The following UBE2R2 variants were observed in gnomAD, a reference collection of about 807,000 sequenced individuals.
The protein encoded by UBE2R2 is ubiquitin conjugating enzyme E2 R2, also known as ubiquitin-conjugating enzyme E2 R2.
In UBE2R2, 1 loss-of-function variant was observed where a neutral mutation model predicts 27.8. The ratio of observed to expected loss-of-function variants is 0.04; its 90% CI spans 0.01 to 0.17. The LOEUF (loss-of-function observed/expected upper bound fraction) is 0.17. Ranked by LOEUF, UBE2R2 falls within the 10% of genes least tolerant of loss-of-function variation. The probability of loss-of-function intolerance (pLI) is 1.00; values close to 1 mark genes in which losing one functional copy is unlikely to be tolerated. For synonymous variants in UBE2R2, 106 were observed against 113.3 expected (o/e 0.94, Z 0.41); for missense variants, 100 against 291.0 (o/e 0.34, Z 4.78).
chr9:33,907,421 C>T lies in UBE2R2; in HGVS notation c.363-4543C>T, dbSNP rs183108902. On this transcript the variant is annotated intron_variant, in intron 3 of 4. Transcript: ENST00000263228. ...TTTATTTCTGGGAGTATCTCTAACTCCTTGAATGGTGGCAGTGGGAATTGT... is the reference window on the plus strand; with the variant it reads ...TTTATTTCTGGGAGTATCTCTAACTTCTTGAATGGTGGCAGTGGGAATTGT... Among the ~76,000 whole-genome samples the T allele has an allele frequency of 6.6e-5, 10 of 152,274 alleles. No homozygotes were observed. The East Asian group carries it at 1.7e-3, about 26-fold the overall frequency.
chr9:33,874,553 A>G (rs191263715), intron 1 of UBE2R2, among the ~76,000 whole-genome samples: 1 of 151,888 alleles, frequency 6.6e-6, no homozygotes, highest in East Asian at 1.9e-4. Flanking sequence ...ATATGCACAC[A>G]TTGTTTTTAT....
At chr9:33,908,222 G>C (rs1318287518) in intron 3 of UBE2R2, among the ~76,000 whole-genome samples, 1 of 152,214 alleles carries the variant, frequency 6.6e-6, no homozygotes, top group Non-Finnish European at 1.5e-5. Context: ...ATCTGCCTGA[G>C]GAGACCAATG....
At chr9:33,828,160 G>T (rs1351723522) in intron 1 of UBE2R2, among the ~76,000 whole-genome samples, 2 of 151,300 alleles carry the variant, frequency 1.3e-5, no homozygotes. Context: ...AAATTAGCTG[G>T]TTGTGGTAGC....
intron 2 of UBE2R2, among the ~76,000 whole-genome samples, chr9:33,898,046 G>C (rs1462804790): frequency 6.6e-6 from 1 of 151,240 alleles, no homozygotes; most frequent in Non-Finnish European, 1.5e-5. Context: ...AAGTGCTGAG[G>C]TTACAGGCGT....
At chr9:33,832,992 C>G (rs1467646573) in intron 1 of UBE2R2, among the ~76,000 whole-genome samples, 2 of 152,102 alleles carry the variant, frequency 1.3e-5, no homozygotes, top group Non-Finnish European at 2.9e-5. Context: ...GAAAATGGCT[C>G]TGAGGACTCA....
intron 2 of UBE2R2, among the ~76,000 whole-genome samples, chr9:33,894,533 A>C (rs1822055562): frequency 1.3e-5 from 2 of 151,998 alleles, no homozygotes; most frequent in South Asian, 4.2e-4. Flanking sequence ...TCCTAGACCC[A>C]AGCAGTCCTC....
chr9:33,817,015 G>A (rs1018657808), upstream of UBE2R2, among the ~76,000 whole-genome samples: 6 of 151,924 alleles, frequency 3.9e-5, no homozygotes, highest in African/African-American at 1.4e-4. Flanking sequence ...GGGAGGAGGA[G>A]GAGGTGGTAG....
chr9:33,911,920 G>A (rs760685086), intron 3 of UBE2R2, 44 bp from the exon 4 acceptor site: 4 of 1,567,504 alleles, frequency 2.6e-6, no homozygotes, highest in East Asian at 2.3e-5. Context: ...TTTAAATACT[G>A]TAAATATGGG....
intron 4 of UBE2R2, among the ~76,000 whole-genome samples, chr9:33,914,783 C>T (rs546870314): frequency 4.7e-5 from 7 of 150,378 alleles, no homozygotes; most frequent in Admixed American, 6.6e-5. Context: ...GAGCTGAGAT[C>T]GCGCCACTGC....
intron 1 of UBE2R2, among the ~76,000 whole-genome samples, chr9:33,849,571 A>C (rs1299593973): frequency 6.6e-6 from 1 of 151,448 alleles, no homozygotes; most frequent in Non-Finnish European, 1.5e-5. Flanking sequence ...TGTTTTAAGA[A>C]TCAAGAGTAT....
chr9:33,880,703 G>T (rs1413630640), intron 1 of UBE2R2, among the ~76,000 whole-genome samples: 3 of 152,298 alleles, frequency 2.0e-5, no homozygotes, highest in East Asian at 3.9e-4. Flanking sequence ...CAACTCTGTG[G>T]CCTGTTAGGA....
At position 33,837,420 on chromosome 9, in the gene UBE2R2, C is replaced by CTT. The variant is rs374681097; in HGVS notation, c.177+19503_177+19504dup. ...TTTTCAGTTTAGGCAGCTGCTGCTT[C>CTT]TTTTTTTTTTTTTTTTTTGAGACAG... On this transcript the variant is annotated intron_variant, in intron 1 of 4. Transcript: ENST00000263228. 3.1e-3 allele frequency among the ~76,000 whole-genome samples: 396 copies of CTT among 126,624 alleles called. 3 individuals carry two copies. Among genetic ancestry groups the CTT allele is most frequent in the Non-Finnish European group, 3.9e-3 (238 of 61,176 alleles). 83.1% of individuals were successfully genotyped at this position (126,624 alleles called of 152,430 possible). A position where few individuals can be genotyped will look rare whatever the true frequency, so the allele number is the denominator to read the frequency against.
At chr9:33,824,329 T>A (rs1201312230) in intron 1 of UBE2R2, among the ~76,000 whole-genome samples, 2 of 151,178 alleles carry the variant, frequency 1.3e-5, no homozygotes, top group African/African-American at 4.9e-5. Flanking sequence ...CGGTCTCCAC[T>A]AAAAATACAC....
At chr9:33,886,371 T>C (rs1315181821) in intron 1 of UBE2R2, among the ~76,000 whole-genome samples, 1 of 152,088 alleles carries the variant, frequency 6.6e-6, no homozygotes, top group Non-Finnish European at 1.5e-5. Context: ...TAGCCTTTTA[T>C]AGGGGCAGGG....
intron 2 of UBE2R2, among the ~76,000 whole-genome samples, chr9:33,887,713 C>A (rs1821893968): frequency 6.6e-6 from 1 of 152,062 alleles, no homozygotes; most frequent in African/African-American, 2.4e-5. Context: ...GCTCTGTAGC[C>A]CAGGCTGGAG....
intron 3 of UBE2R2, among the ~76,000 whole-genome samples, 157 bp downstream of exon 3, chr9:33,900,428 G>A (rs565987757): frequency 6.6e-5 from 10 of 152,182 alleles, no homozygotes; most frequent in South Asian, 2.1e-4. Flanking sequence ...ATATGTATGC[G>A]TCATTTTGAA....
At chr9:33,901,931 T>A (rs1043323649) in intron 3 of UBE2R2, among the ~76,000 whole-genome samples, 19 of 150,292 alleles carry the variant, frequency 1.3e-4, no homozygotes, top group African/African-American at 4.4e-4. Flanking sequence ...TTTTTTTTTT[T>A]AAGACAGGAT....
chr9:33,863,589 AATTG>A (rs1170830725), intron 1 of UBE2R2, among the ~76,000 whole-genome samples: 1 of 152,110 alleles, frequency 6.6e-6, no homozygotes, highest in African/African-American at 2.4e-5. Flanking sequence ...GAAAGAATAT[AATTG>A]ATGTTTATTT....
chr9:33,882,551 G>A (rs897214563), intron 1 of UBE2R2, among the ~76,000 whole-genome samples: 1 of 152,210 alleles, frequency 6.6e-6, no homozygotes, highest in Non-Finnish European at 1.5e-5. Flanking sequence ...CAAAAGTGCT[G>A]AGATTACAGG....
Sources: gnomAD v4.1 joint callset for allele counts (sites outside exome capture counted in the v4.1 genomes callset) on GRCh38, gnomAD v4.1.1 for gene constraint, MANE v1.5 for transcripts, NCBI Gene and HGNC (gene_info 2026-07-23, HGNC 2026-07-21) for gene names.